The following AP3B1 variants were observed in gnomAD, a reference collection of about 807,000 sequenced individuals.
AP3B1 encodes the protein adaptor related protein complex 3 subunit beta 1.
A neutral mutation model predicts 132.5 loss-of-function variants in AP3B1; 61 were observed. That is an observed-to-expected ratio of 0.46 (90% CI 0.37 to 0.57). The LOEUF is 0.57. AP3B1 is among the 20% of genes least tolerant of loss of function. The probability of loss-of-function intolerance (pLI) is 0.00; values close to 1 mark genes in which losing one functional copy is unlikely to be tolerated. For missense variants in AP3B1, 1,120 were observed against 1,289.4 expected, an observed-to-expected ratio of 0.87 and a Z score of 2.01; for synonymous variants, 388 against 438.3, an observed-to-expected ratio of 0.89 and a Z score of 1.43.
Position 78,110,233 on chromosome 5 carries a change from C to G in AP3B1, c.2371G>C (p.Glu791Gln). Residue 791 changes from glutamate to glutamine, a missense_variant, in exon 20 of 27, where the codon GAA becomes CAA. Around this residue, in one of 3 missense-constraint regions of AP3B1, gnomAD observed 906 missense variants for 997.1 expected, o/e 0.91. Coordinates refer to ENST00000255194, the MANE Select transcript of AP3B1 (RefSeq NM_003664.5). ...DSESESEPES[E>Q]SESRRVTKEK... ...TTAGTGACTCTTCTGGATTCAGATT[C>G]ACTTTCAGGTTCTGACTCTGATTCA... 1 of 1,607,196 alleles carries G rather than the reference C, an allele frequency of 6.2e-7. No individual in the cohort carries two copies. The highest frequency in any genetic ancestry group is 8.5e-7 in the Non-Finnish European group (1 of 1,175,880).
chr5:78,007,708 C>T (rs1370109152), intron 26 of AP3B1, among the ~76,000 whole-genome samples: 1 of 152,068 alleles, frequency 6.6e-6, no homozygotes, highest in East Asian at 1.9e-4. Flanking sequence ...ATCTTTATTA[C>T]CTTGAGTTAT....
At chr5:78,242,627 G>T (rs1216979672) in intron 2 of AP3B1, among the ~76,000 whole-genome samples, 2 of 151,970 alleles carry the variant, frequency 1.3e-5, no homozygotes, top group African/African-American at 4.8e-5. Context: ...GGCTGGCCTT[G>T]AACTCCTGAC....
chr5:78,286,387 A>G (rs1580596098), intron 1 of AP3B1, among the ~76,000 whole-genome samples: 1 of 152,248 alleles, frequency 6.6e-6, no homozygotes, highest in Middle Eastern at 3.4e-3. Flanking sequence ...CATGAATGAG[A>G]TTAAGGCCCT....
At chr5:78,074,019 G>T (rs1328734689) in intron 22 of AP3B1, among the ~76,000 whole-genome samples, 2 of 152,096 alleles carry the variant, frequency 1.3e-5, no homozygotes, top group Non-Finnish European at 2.9e-5. Context: ...TGATTCAGCG[G>T]ATTTGTCACT....
At chr5:78,199,684 A>G (rs1012411851) in intron 7 of AP3B1, among the ~76,000 whole-genome samples, 1 of 152,188 alleles carries the variant, frequency 6.6e-6, no homozygotes, top group African/African-American at 2.4e-5. Flanking sequence ...GTTTTACAAT[A>G]TTTGTGGACA....
intron 22 of AP3B1, among the ~76,000 whole-genome samples, chr5:78,053,759 G>T (rs918843220): frequency 1.7e-4 from 26 of 150,704 alleles, no homozygotes; most frequent in Admixed American, 9.9e-4. Flanking sequence ...CCGATCTTTT[G>T]CTCCCTTATG....
chr5:78,226,743 T>C (rs946653875), intron 5 of AP3B1, among the ~76,000 whole-genome samples: 4 of 152,108 alleles, frequency 2.6e-5, no homozygotes, highest in African/African-American at 9.7e-5. Context: ...GAATAAATGA[T>C]AGCTGAAAAT....
At chr5:78,102,822 G>C (rs1462721851) in intron 20 of AP3B1, among the ~76,000 whole-genome samples, 1 of 152,104 alleles carries the variant, frequency 6.6e-6, no homozygotes, top group Non-Finnish European at 1.5e-5. Flanking sequence ...CTGAAGGCAA[G>C]TCTATACCTT....
chr5:78,184,777 A>G (rs954793236), intron 7 of AP3B1, among the ~76,000 whole-genome samples: 16 of 152,346 alleles, frequency 1.1e-4, no homozygotes, highest in African/African-American at 3.1e-4. Context: ...TGGAAGGAGA[A>G]GAGACAGAGG....
Position 78,129,168 on chromosome 5 carries a change from AT to A in AP3B1, c.1789del (p.Ile597TyrfsTer3). 6.2e-7 allele frequency: 1 copy of A among 1,612,594 alleles called. No individual in the cohort carries two copies. ...TGGTGCAGGCTTTTGTGCTAGGAAT[AT>A]TTTTTTGGCATATTTACTTAAAGCT... is the stretch of plus-strand genomic sequence containing the variant. ...SGALSKYAKKIFLAQKPAPLL... is the reference protein window; with the variant it reads ...SGALSKYAKKXFLAQKPAPLL... On this transcript the variant is annotated frameshift_variant, in exon 16 of 27. Coordinates refer to ENST00000255194, the MANE Select transcript of AP3B1 (RefSeq NM_003664.5). LOFTEE classifies it high-confidence loss of function.
chr5:78,084,315 T>A (rs1750137230), intron 22 of AP3B1, among the ~76,000 whole-genome samples: 1 of 151,884 alleles, frequency 6.6e-6, no homozygotes, highest in South Asian at 2.1e-4. Flanking sequence ...ACCCTAGCTC[T>A]ACCAACAAAA....
intron 2 of AP3B1, among the ~76,000 whole-genome samples, chr5:78,265,812 C>T (rs1748297438): frequency 6.6e-6 from 1 of 152,222 alleles, no homozygotes; most frequent in Admixed American, 6.5e-5. Context: ...GTCAGTAGTT[C>T]CACAGCCAGC....
Position 78,227,545 on chromosome 5 carries a change from C to G in AP3B1, c.376-13G>C. 2 of 1,613,022 alleles carry G rather than the reference C, an allele frequency of 1.2e-6. No homozygotes were observed. The highest frequency in any genetic ancestry group is 1.7e-6 in the Non-Finnish European group (2 of 1,179,394). ...GTTGGTTTGGGTCCTAAAAATAGTG[C>G]AAAAATATTCACCAAAATTTCAACT... On this transcript the variant is annotated splice_polypyrimidine_tract_variant and intron_variant, in intron 4 of 26. Transcript: ENST00000255194.
At chr5:78,185,087 T>A (rs748163063) in intron 7 of AP3B1, among the ~76,000 whole-genome samples, 28 of 152,076 alleles carry the variant, frequency 1.8e-4, no homozygotes, top group Non-Finnish European at 3.8e-4. Context: ...AGAGGAACTA[T>A]CAAAAGAGAA....
chr5:78,153,786 A>G (rs1301442102), intron 14 of AP3B1, among the ~76,000 whole-genome samples: 1 of 152,166 alleles, frequency 6.6e-6, no homozygotes, highest in Non-Finnish European at 1.5e-5. Flanking sequence ...ATAATCCATT[A>G]TTTTAAACTG....
rs923754642 is a variant in AP3B1, at chr5:78,181,617, C to A, written c.832G>T (p.Asp278Tyr). 2 of 1,611,528 alleles carry A rather than the reference C, an allele frequency of 1.2e-6. No homozygotes were observed. Among genetic ancestry groups the A allele is most frequent in the African/African-American group, 2.7e-5 (2 of 74,818 alleles). ...DNGKNFYESD[D>Y]DQKEKTDKKK... ...TTGTCAGTCTTTTCCTTCTGATCAT[C>A]ATCAGATTCGTAGAAATTCTTTCCA... The change falls in exon 8 of 27, where the codon GAT (aspartate) becomes TAT (tyrosine). Residue 278 changes from aspartate (D) to tyrosine (Y), a missense_variant. Asp to Tyr is a radical substitution (Grantham distance 160). Coordinates refer to ENST00000255194, the MANE Select transcript of AP3B1 (RefSeq NM_003664.5).
chr5:78,095,927 TG>T (rs1357898730), intron 21 of AP3B1, among the ~76,000 whole-genome samples: 1 of 152,238 alleles, frequency 6.6e-6, no homozygotes, highest in African/African-American at 2.4e-5. Context: ...AAATGTAGGT[TG>T]GGATCAAAGT....
intron 2 of AP3B1, among the ~76,000 whole-genome samples, chr5:78,262,886 T>C (rs1165929676): frequency 1.3e-5 from 2 of 152,084 alleles, no homozygotes; most frequent in Non-Finnish European, 2.9e-5. Context: ...TCTAGGCTGG[T>C]CTAAAACTCC....
At chr5:78,219,209 ACT>A (rs1466686291) in intron 6 of AP3B1, among the ~76,000 whole-genome samples, 6 of 151,914 alleles carry the variant, frequency 3.9e-5, no homozygotes, top group Non-Finnish European at 7.4e-5. Context: ...TTCCTAAGAA[ACT>A]CTGTTTTCTA....
Sources: allele counts gnomAD v4.1 joint callset (sites outside exome capture counted in the v4.1 genomes callset), GRCh38; gene constraint gnomAD v4.1.1; regional missense constraint gnomAD v4.1.1; transcripts MANE v1.5; gene names NCBI Gene and HGNC (gene_info 2026-07-23, HGNC 2026-07-21).